Variants in CHD6 observed in about 807,000 individuals in gnomAD.
CHD6 encodes the protein chromodomain helicase DNA binding protein 6, also known as ATP-dependent chromatin remodeler CHD6.
Under a neutral mutation model 276.9 loss-of-function variants are expected in CHD6, and 50 were observed. The ratio of observed to expected loss-of-function variants is 0.18; its 90% CI spans 0.14 to 0.23. The LOEUF (loss-of-function observed/expected upper bound fraction) is 0.23. CHD6 is among the 10% of genes least tolerant of loss of function. CHD6 has a pLI of 1.00. For missense variants in CHD6, 2,564 were observed against 3,365.8 expected, an observed-to-expected ratio of 0.76 and a Z score of 5.89; for synonymous variants, 1,173 against 1,229.3, an observed-to-expected ratio of 0.95 and a Z score of 0.96.
At chr20:41,591,801 G>A (rs746877395) in intron 1 of CHD6, among the ~76,000 whole-genome samples, 35 of 152,052 alleles carry the variant, frequency 2.3e-4, no homozygotes, top group Admixed American at 7.9e-4. Context: ...ACTCCACTAA[G>A]GTATAAAGAA....
intron 19 of CHD6, among the ~76,000 whole-genome samples, chr20:41,455,191 C>T (rs769072254): frequency 3.9e-5 from 6 of 152,154 alleles, no homozygotes; most frequent in South Asian, 2.1e-4. Flanking sequence ...AAACACTGAA[C>T]GTCCCACTAA....
chr20:41,463,982 G>A (rs1398417539), intron 17 of CHD6, among the ~76,000 whole-genome samples: 1 of 152,158 alleles, frequency 6.6e-6, no homozygotes, highest in Non-Finnish European at 1.5e-5. Flanking sequence ...AGTGATGTGT[G>A]TCTATGCATG....
intron 2 of CHD6, among the ~76,000 whole-genome samples, chr20:41,538,504 G>A (rs1177903226): frequency 6.6e-6 from 1 of 152,050 alleles, no homozygotes; most frequent in Admixed American, 6.5e-5. Context: ...AGCAAAAAAC[G>A]AACTCAAAGA....
chr20:41,597,843 T>C lies in CHD6; in HGVS notation c.-24+20497A>G, dbSNP rs562987815. ...TTGTCTTGTTATACCCTGTGGAGAC[T>C]TGCGAAGTCAAAGGCAGCTCTCTAC... On this transcript the variant is annotated intron_variant, in intron 1 of 36. Coordinates refer to ENST00000373233, the MANE Select transcript of CHD6 (RefSeq NM_032221.5). Among the ~76,000 whole-genome samples, 14 of 152,256 alleles carry C rather than the reference T, an allele frequency of 9.2e-5. 3 individuals carry two copies. The highest frequency in any genetic ancestry group is 3.4e-4 in the African/African-American group (14 of 41,552).
chr20:41,403,422 A>C lies in CHD6; in HGVS notation c.*1171T>G. 9.4e-7 allele frequency: 1 copy of C among 1,061,982 alleles called. No individual in the cohort carries two copies. The highest frequency in any genetic ancestry group is 1.1e-6 in the Non-Finnish European group (1 of 877,086). 65.8% of individuals were successfully genotyped at this position (1,061,982 alleles called of 1,614,324 possible). A position where few individuals can be genotyped will look rare whatever the true frequency, so the allele number is the denominator to read the frequency against. ...TCAGTTCCTAAACATGGAGAAGCTG[A>C]GGAAGAAGAGAAAATAATGTTGACT... On this transcript the variant is annotated 3_prime_UTR_variant, in exon 37 of 37. Coordinates refer to ENST00000373233, the MANE Select transcript of CHD6 (RefSeq NM_032221.5).
intron 11 of CHD6, among the ~76,000 whole-genome samples, 163 bp downstream of exon 11, chr20:41,491,532 CAAA>C (rs936710879): frequency 1.3e-5 from 2 of 151,344 alleles, no homozygotes; most frequent in Non-Finnish European, 2.9e-5. Flanking sequence ...AAACAGCTGA[CAAA>C]AATAAAGTAA....
At chr20:41,572,751 A>G (rs969977064) in intron 1 of CHD6, among the ~76,000 whole-genome samples, 1 of 152,106 alleles carries the variant, frequency 6.6e-6, no homozygotes, top group Non-Finnish European at 1.5e-5. Flanking sequence ...CTGCCACCCA[A>G]TGGGCTACAA....
intron 1 of CHD6, among the ~76,000 whole-genome samples, chr20:41,577,471 T>C (rs1221138062): frequency 1.3e-5 from 2 of 152,204 alleles, no homozygotes; most frequent in Non-Finnish European, 1.5e-5. Flanking sequence ...GATTCTCCTA[T>C]AGAATCTGGG....
intron 20 of CHD6, among the ~76,000 whole-genome samples, chr20:41,453,204 C>G (rs906466060): frequency 6.6e-6 from 1 of 151,990 alleles, no homozygotes; most frequent in African/African-American, 2.4e-5. Flanking sequence ...TCATTCTACC[C>G]GGGGTGTGGG....
At chr20:41,414,219 A>T (rs2046928247) in intron 34 of CHD6, 1 of 152,234 alleles carries the variant, frequency 6.6e-6, no homozygotes, top group African/African-American at 2.4e-5. Flanking sequence ...CCCAAGCAAT[A>T]TGGCTTAGCA....
rs143690698 is a variant in CHD6, at chr20:41,416,789, G to A, written c.6285C>T (p.Arg2095=). Reference sequence around the variant, plus strand: ...TATTATCTAGGCGGTTAATTATCACGCGGTCCTAGAAAAAAGGATAAAGCT... The same window carrying A: ...TATTATCTAGGCGGTTAATTATCACACGGTCCTAGAAAAAAGGATAAAGCT... ...LYSFSEWPKD[R]VIINRLDNIC... is the part of the protein sequence containing the mutation. The change falls in exon 33 of 37, where the codon CGC becomes CGT. Residue 2095 remains arginine (R), a synonymous_variant. Coordinates refer to ENST00000373233, the MANE Select transcript of CHD6 (RefSeq NM_032221.5). The A allele has an allele frequency of 6.8e-5, 106 of 1,563,332 alleles. No individual in the cohort carries two copies. The highest frequency in any genetic ancestry group is 2.0e-4 in the African/African-American group (15 of 73,172).
intron 3 of CHD6, among the ~76,000 whole-genome samples, chr20:41,531,582 T>C (rs910728243): frequency 6.6e-6 from 1 of 152,200 alleles, no homozygotes; most frequent in Non-Finnish European, 1.5e-5. Flanking sequence ...GAGTTTTGTC[T>C]ACCTCTCTCT....
At chr20:41,604,918 G>C (rs1032452871) in intron 1 of CHD6, among the ~76,000 whole-genome samples, 2 of 152,150 alleles carry the variant, frequency 1.3e-5, no homozygotes, top group African/African-American at 4.8e-5. Context: ...ATCCTAATGG[G>C]GGACAGGGAG....
intron 33 of CHD6, among the ~76,000 whole-genome samples, chr20:41,416,142 C>G (rs184476347): frequency 1.3e-3 from 196 of 152,298 alleles, no homozygotes; most frequent in Admixed American, 4.3e-3. Context: ...CCTTGATTTC[C>G]CTAATTTCTA....
intron 3 of CHD6, among the ~76,000 whole-genome samples, chr20:41,525,739 C>A (rs2044515856): frequency 6.6e-6 from 1 of 152,192 alleles, no homozygotes; most frequent in African/African-American, 2.4e-5. Flanking sequence ...CTATTAATTT[C>A]TTTAATAACT....
chr20:41,532,336 T>G (rs1056857342), intron 3 of CHD6, among the ~76,000 whole-genome samples: 3 of 152,192 alleles, frequency 2.0e-5, no homozygotes, highest in African/African-American at 7.2e-5. Flanking sequence ...ACTCAGAGCT[T>G]GGAACCTAGG....
intron 1 of CHD6, among the ~76,000 whole-genome samples, chr20:41,585,851 A>T (rs2045588962): frequency 3.3e-5 from 5 of 152,210 alleles, no homozygotes; most frequent in Admixed American, 2.6e-4. Flanking sequence ...CCTGCAATAT[A>T]TAAAAAAGAT....
At chr20:41,541,844 C>T (rs1323712685) in intron 2 of CHD6, among the ~76,000 whole-genome samples, 1 of 152,176 alleles carries the variant, frequency 6.6e-6, no homozygotes, top group Non-Finnish European at 1.5e-5. Context: ...CCTCTACTTC[C>T]ATATTTTTGC....
intron 1 of CHD6, among the ~76,000 whole-genome samples, chr20:41,594,064 G>A (rs2045692456): frequency 6.6e-6 from 1 of 150,482 alleles, no homozygotes; most frequent in South Asian, 2.1e-4. Context: ...GATTTTTGAT[G>A]GCTTAATGGA....
Sources: gnomAD v4.1 joint callset for allele counts (sites outside exome capture counted in the v4.1 genomes callset) on GRCh38, gnomAD v4.1.1 for gene constraint, MANE v1.5 for transcripts, NCBI Gene and HGNC (gene_info 2026-07-23, HGNC 2026-07-21) for gene names.